ELP4: variants seen among roughly 807,000 people sequenced by gnomAD.
The protein encoded by ELP4 is elongator acetyltransferase complex subunit 4.
ELP4 carries 51 observed loss-of-function variants against 48.9 expected under a neutral mutation model. The ratio of observed to expected loss-of-function variants is 1.04; its 90% confidence interval spans 0.83 to 1.32. The LOEUF is 1.32. ELP4 is among the 40% of genes most tolerant of loss of function. The probability of loss-of-function intolerance (pLI) is 0.00; values close to 1 mark genes in which losing one functional copy is unlikely to be tolerated. For missense variants in ELP4, 519 were observed against 514.6 expected (o/e 1.01, Z -0.08); for synonymous variants, 210 against 189.2 (o/e 1.11, Z -0.90).
chr11:31,764,919 C>A (rs1037273324), intron 9 of ELP4, among the ~76,000 whole-genome samples: 3 of 152,246 alleles, frequency 2.0e-5, no homozygotes, highest in African/African-American at 7.2e-5. Flanking sequence ...CGTTTTAGTC[C>A]ATTTCTGAAA....
At position 31,554,228 on chromosome 11, in the gene ELP4, T is replaced by C. The variant is rs1956895730; in HGVS notation, c.381+14445T>C. On this transcript the variant is annotated intron_variant, in intron 3 of 9. Transcript: ENST00000640961. ...AAATGCACAATAAATGTAATGCTCT[T>C]GAATCATCCAGAAACCATCCGAGTC... Among the ~76,000 whole-genome samples the C allele has an allele frequency of 2.6e-5, 4 of 152,204 alleles. No homozygotes were observed. In the South Asian group the frequency reaches 8.3e-4, roughly 31 times the overall value.
intron 9 of ELP4, among the ~76,000 whole-genome samples, chr11:31,704,297 C>T (rs1328248102): frequency 1.3e-5 from 2 of 151,920 alleles, no homozygotes; most frequent in African/African-American, 4.8e-5. Flanking sequence ...TTTCTTAAAA[C>T]TATGCAGCCA....
chr11:31,536,134 A>G (rs1592092606), intron 2 of ELP4, among the ~76,000 whole-genome samples: 1 of 152,096 alleles, frequency 6.6e-6, no homozygotes, highest in Non-Finnish European at 1.5e-5. Flanking sequence ...TTAGGAATAT[A>G]TCATTTGTTT....
At chr11:31,585,474 T>C (rs1957456810) in intron 3 of ELP4, among the ~76,000 whole-genome samples, 1 of 151,370 alleles carries the variant, frequency 6.6e-6, no homozygotes, top group African/African-American at 2.4e-5. Flanking sequence ...TTGCCTAACC[T>C]CTTATAACCT....
intron 2 of ELP4, among the ~76,000 whole-genome samples, chr11:31,531,962 A>G (rs1458546918): frequency 2.0e-5 from 3 of 152,194 alleles, no homozygotes; most frequent in Non-Finnish European, 4.4e-5. Context: ...TAAAGCCGTG[A>G]TTATTTGTGG....
At chr11:31,731,644 T>A (rs1025089113) in intron 9 of ELP4, among the ~76,000 whole-genome samples, 2 of 149,622 alleles carry the variant, frequency 1.3e-5, no homozygotes, top group Admixed American at 6.7e-5. Context: ...AAAGCTTCTT[T>A]AAAGAAATAG....
intron 3 of ELP4, among the ~76,000 whole-genome samples, chr11:31,556,505 T>G (rs2133935704): frequency 6.6e-6 from 1 of 152,048 alleles, no homozygotes; most frequent in East Asian, 1.9e-4. Flanking sequence ...ACATTAAGAT[T>G]TTTATATCCT....
At chr11:31,515,580 C>T (rs1281108794) in intron 1 of ELP4, among the ~76,000 whole-genome samples, 2 of 152,100 alleles carry the variant, frequency 1.3e-5, no homozygotes, top group African/African-American at 4.8e-5. Context: ...TGGGAGGACC[C>T]TTGAGCCTGG....
intron 9 of ELP4, among the ~76,000 whole-genome samples, chr11:31,740,409 A>T (rs1187473450): frequency 6.6e-6 from 1 of 152,254 alleles, no homozygotes; most frequent in Admixed American, 6.5e-5. Context: ...CATGCCAAAG[A>T]TGTGAAATGT....
At chr11:31,552,033 CTG>C (rs1319515200) in intron 3 of ELP4, among the ~76,000 whole-genome samples, 1 of 152,102 alleles carries the variant, frequency 6.6e-6, no homozygotes, top group East Asian at 1.9e-4. Context: ...ATCTAGAAGA[CTG>C]TATGTTACTG....
chr11:31,716,044 C>T (rs1325419582), intron 9 of ELP4, among the ~76,000 whole-genome samples: 1 of 152,102 alleles, frequency 6.6e-6, no homozygotes, highest in Non-Finnish European at 1.5e-5. Flanking sequence ...GACAGGGCCT[C>T]GCTGTGTCAC....
At chr11:31,567,040 T>A (rs575814597) in intron 3 of ELP4, among the ~76,000 whole-genome samples, 20 of 152,140 alleles carry the variant, frequency 1.3e-4, no homozygotes, top group South Asian at 8.3e-4. Context: ...TTATTTATTT[T>A]TTTTTTCAGC....
At chr11:31,686,243 G>T (rs771934718) in intron 9 of ELP4, among the ~76,000 whole-genome samples, 1 of 150,644 alleles carries the variant, frequency 6.6e-6, no homozygotes, top group Non-Finnish European at 1.5e-5. Flanking sequence ...AGAAACTCTG[G>T]TCTGTTATTA....
At chr11:31,627,075 C>T (rs745648679) in intron 5 of ELP4, 35 bp from the exon 6 acceptor site, 2 of 1,209,818 alleles carry the variant, frequency 1.7e-6, no homozygotes, top group South Asian at 2.5e-5. Flanking sequence ...TGTAATAACC[C>T]ATTTATGTAT....
At chr11:31,741,647 G>A (rs986065606) in intron 9 of ELP4, among the ~76,000 whole-genome samples, 4 of 152,126 alleles carry the variant, frequency 2.6e-5, no homozygotes, top group Admixed American at 2.6e-4. Flanking sequence ...GTCTGGAGTG[G>A]ACCTCTAGCA....
chr11:31,774,040 A>G (rs1271393327), intron 9 of ELP4, among the ~76,000 whole-genome samples: 2 of 152,160 alleles, frequency 1.3e-5, no homozygotes, highest in African/African-American at 4.8e-5. Context: ...TGAGCCAGAC[A>G]TGGTAGCTTG....
chr11:31,610,583 C>T (rs1352926085), intron 5 of ELP4, among the ~76,000 whole-genome samples: 1 of 152,086 alleles, frequency 6.6e-6, no homozygotes, highest in Non-Finnish European at 1.5e-5. Flanking sequence ...GTTTAACTCC[C>T]ACTTACAAGT....
chr11:31,652,970 T>A (rs1001813125), intron 9 of ELP4: 2 of 151,674 alleles, frequency 1.3e-5, no homozygotes, highest in African/African-American at 4.8e-5. Context: ...GAAAACTGAT[T>A]ATCTTTTTAC....
intron 9 of ELP4, among the ~76,000 whole-genome samples, chr11:31,704,516 T>G (rs1187490038): frequency 6.6e-6 from 1 of 151,840 alleles, no homozygotes; most frequent in African/African-American, 2.4e-5. Flanking sequence ...AGGGAAAGCA[T>G]TAGGAGATAT....
Sources: allele counts gnomAD v4.1 joint callset (sites outside exome capture counted in the v4.1 genomes callset), GRCh38; gene constraint gnomAD v4.1.1; transcripts MANE v1.5; gene names NCBI Gene and HGNC (gene_info 2026-07-23, HGNC 2026-07-21).